Variants in RBMS3 observed in about 807,000 individuals in gnomAD.
The protein encoded by RBMS3 is RNA-binding motif, single-stranded-interacting protein 3.
A neutral mutation model predicts 66.8 loss-of-function variants in RBMS3; 27 were observed. The observed-to-expected ratio is 0.40, with a 90% CI of 0.30 to 0.56. RBMS3 has a LOEUF of 0.56. RBMS3 is among the 20% of genes least tolerant of loss of function. The pLI is 0.40. For synonymous variants in RBMS3, 188 were observed against 183.0 expected (o/e 1.03, Z -0.22); for missense variants, 513 against 549.5 (o/e 0.93, Z 0.66).
At chr3:29,954,953 A>G (rs1246073670) in intron 12 of RBMS3, among the ~76,000 whole-genome samples, 1 of 152,064 alleles carries the variant, frequency 6.6e-6, no homozygotes, top group East Asian at 1.9e-4. Flanking sequence ...CTACCATCTG[A>G]TCACTGCCAG....
At chr3:29,316,769 C>G (rs961986210) in intron 1 of RBMS3, among the ~76,000 whole-genome samples, 1 of 151,510 alleles carries the variant, frequency 6.6e-6, no homozygotes, top group Non-Finnish European at 1.5e-5. Context: ...TCTTCTATTC[C>G]GGACTATATA....
At chr3:29,348,337 C>T (rs1429691985) in intron 1 of RBMS3, among the ~76,000 whole-genome samples, 1 of 152,114 alleles carries the variant, frequency 6.6e-6, no homozygotes, top group East Asian at 1.9e-4. Flanking sequence ...ATCTCTAAAA[C>T]TTTTAATCTA....
chr3:29,738,100 A>G (rs1157739946), intron 4 of RBMS3, among the ~76,000 whole-genome samples: 1 of 152,238 alleles, frequency 6.6e-6, no homozygotes, highest in Non-Finnish European at 1.5e-5. Flanking sequence ...ATCACAATCT[A>G]TCTGAATATT....
At position 29,360,149 on chromosome 3, in the gene RBMS3, T is replaced by A. The variant is rs1575611658; in HGVS notation, c.76-74594T>A. Among the ~76,000 whole-genome samples, 3 of 152,142 alleles carry A rather than the reference T, an allele frequency of 2.0e-5. No individual in the cohort carries two copies. The East Asian group carries it at 5.8e-4, about 29-fold the overall frequency. ...TTTCATTGTGATGTTAGGGTGTCAA[T>A]TTTAGATCTTTTCTGCTTTCTCTTG... On this transcript the variant is annotated intron_variant, in intron 1 of 14. Transcript: ENST00000383767.
chr3:29,684,399 G>T (rs533950146), intron 4 of RBMS3, among the ~76,000 whole-genome samples: 1 of 152,066 alleles, frequency 6.6e-6, no homozygotes, highest in Non-Finnish European at 1.5e-5. Flanking sequence ...GTTCTGGAAA[G>T]GTGTATTTCT....
At chr3:29,402,051 CAT>C (rs1559551128) in intron 1 of RBMS3, among the ~76,000 whole-genome samples, 1 of 151,928 alleles carries the variant, frequency 6.6e-6, no homozygotes, top group Non-Finnish European at 1.5e-5. Flanking sequence ...GTTGTTGAGA[CAT>C]GTGGGTGATT....
At chr3:29,331,270 T>C (rs185233227) in intron 1 of RBMS3, among the ~76,000 whole-genome samples, 5 of 152,214 alleles carry the variant, frequency 3.3e-5, no homozygotes, top group Admixed American at 6.6e-5. Context: ...AGTGACTTTC[T>C]TCAGAGGACT....
chr3:30,009,338 T>TTTGA lies in RBMS3; in HGVS notation c.*5479_*5482dup, dbSNP rs539525518. On this transcript the variant is annotated 3_prime_UTR_variant, in exon 15 of 15. Coordinates refer to ENST00000383767, the MANE Select transcript of RBMS3 (RefSeq NM_001003793.3). ...GTGGAACAAACAATTGGAAATAAAA[T>TTTGA]TTGATTATTTTATTTCTTATAAAGT... The TTTGA allele has an allele frequency of 6.6e-6, 1 of 152,124 alleles. No homozygotes were observed. The highest frequency in any genetic ancestry group is 6.5e-5 in the Admixed American group (1 of 15,270). 9.4% of individuals were successfully genotyped at this position (152,124 alleles called of 1,614,324 possible).
intron 10 of RBMS3, among the ~76,000 whole-genome samples, chr3:29,905,373 G>A: frequency 6.6e-6 from 1 of 151,888 alleles, no homozygotes; most frequent in East Asian, 1.9e-4. Context: ...GTTTAAAAAT[G>A]TTGTTACCTT....
At chr3:29,494,496 A>C (rs17023730) in intron 3 of RBMS3, among the ~76,000 whole-genome samples, 11,711 of 152,296 alleles carry the variant, frequency 0.077, 529 homozygotes, top group East Asian at 0.16. Context: ...GAACAAAGCG[A>C]GTAACAGCTC....
intron 1 of RBMS3, among the ~76,000 whole-genome samples, chr3:29,407,036 G>T (rs2040048025): frequency 1.3e-5 from 2 of 152,082 alleles, no homozygotes; most frequent in Non-Finnish European, 2.9e-5. Flanking sequence ...CTTATAGATG[G>T]GTCTCCAGGT....
chr3:29,966,011 T>A (rs1696821728), intron 12 of RBMS3, among the ~76,000 whole-genome samples: 1 of 152,196 alleles, frequency 6.6e-6, no homozygotes, highest in African/African-American at 2.4e-5. Flanking sequence ...ATGTTTTTGT[T>A]TGCTTTGTCA....
intron 3 of RBMS3, among the ~76,000 whole-genome samples, chr3:29,561,022 A>AGGATAAT (rs1165091378): frequency 6.6e-6 from 1 of 152,194 alleles, no homozygotes; most frequent in African/African-American, 2.4e-5. Flanking sequence ...TAGTTTGCTG[A>AGGATAAT]GGATAATGGC....
chr3:29,362,876 T>C (rs2037683692), intron 1 of RBMS3, among the ~76,000 whole-genome samples: 1 of 152,244 alleles, frequency 6.6e-6, no homozygotes, highest in African/African-American at 2.4e-5. Context: ...CTTTAGTCCT[T>C]TTGGTAGAAA....
chr3:29,492,074 A>G (rs1409001571), intron 3 of RBMS3, among the ~76,000 whole-genome samples: 1 of 152,214 alleles, frequency 6.6e-6, no homozygotes, highest in South Asian at 2.1e-4. Context: ...TCGTGTGTCC[A>G]TTATATGCTT....
At chr3:29,837,968 T>G (rs961455102) in intron 6 of RBMS3, among the ~76,000 whole-genome samples, 6 of 150,672 alleles carry the variant, frequency 4.0e-5, no homozygotes, top group Non-Finnish European at 7.4e-5. Flanking sequence ...ACAGAGTAGG[T>G]TTTTGGTAGC....
At chr3:29,316,653 TTAAA>T (rs2034696967) in intron 1 of RBMS3, among the ~76,000 whole-genome samples, 1 of 151,530 alleles carries the variant, frequency 6.6e-6, no homozygotes, top group Non-Finnish European at 1.5e-5. Context: ...AATTAAATTA[TTAAA>T]TTAATTATAT....
chr3:29,598,364 C>T (rs1475486620), intron 4 of RBMS3, among the ~76,000 whole-genome samples: 4 of 151,976 alleles, frequency 2.6e-5, no homozygotes, highest in African/African-American at 9.7e-5. Flanking sequence ...TGCAAAAATA[C>T]AGTAAAGAAT....
intron 1 of RBMS3, among the ~76,000 whole-genome samples, chr3:29,350,253 A>G (rs1290620350): frequency 6.6e-6 from 1 of 151,990 alleles, no homozygotes; most frequent in African/African-American, 2.4e-5. Context: ...TATGGCTAAG[A>G]ATTAAGGGAT....
Sources: gnomAD v4.1 joint callset for allele counts (sites outside exome capture counted in the v4.1 genomes callset) on GRCh38, gnomAD v4.1.1 for gene constraint, MANE v1.5 for transcripts, NCBI Gene and HGNC (gene_info 2026-07-23, HGNC 2026-07-21) for gene names.